The following GAREM1 variants were observed in gnomAD, a reference collection of about 807,000 sequenced individuals.
GAREM1 encodes GRB2-associated and regulator of MAPK protein 1.
In GAREM1, 26 loss-of-function variants were observed where a neutral mutation model predicts 71.3. The ratio of observed to expected loss-of-function variants is 0.36; its 90% CI spans 0.27 to 0.51. The LOEUF is 0.51. Among genes scored for constraint, GAREM1 ranks in the 20% least tolerant of loss-of-function variants. The pLI is 0.95. For missense variants in GAREM1, 1,026 were observed against 1,103.1 expected (o/e 0.93, Z 0.99); for synonymous variants, 440 against 433.2 (o/e 1.02, Z -0.20).
At chr18:32,430,848 C>T (rs1215980299) in intron 1 of GAREM1, among the ~76,000 whole-genome samples, 1 of 152,138 alleles carries the variant, frequency 6.6e-6, no homozygotes, top group Non-Finnish European at 1.5e-5. Context: ...TGCCACTTGG[C>T]CCTGTAAATG....
chr18:32,450,185 T>C (rs994539950), intron 1 of GAREM1, among the ~76,000 whole-genome samples: 1 of 152,204 alleles, frequency 6.6e-6, no homozygotes, highest in Non-Finnish European at 1.5e-5. Flanking sequence ...TCAGTATCAA[T>C]CAACTTATAA....
At chr18:32,380,014 A>C (rs1160303856) in intron 2 of GAREM1, among the ~76,000 whole-genome samples, 2 of 152,198 alleles carry the variant, frequency 1.3e-5, no homozygotes, top group Non-Finnish European at 2.9e-5. Flanking sequence ...TGGAAAATAA[A>C]CAAAGCTTTG....
intron 4 of GAREM1, among the ~76,000 whole-genome samples, chr18:32,283,650 A>G (rs2144453083): frequency 6.6e-6 from 1 of 152,358 alleles, no homozygotes; most frequent in African/African-American, 2.4e-5. Context: ...ACAAAGATAC[A>G]AGAGGACTAG....
At chr18:32,423,145 G>C (rs1206258404) in intron 1 of GAREM1, among the ~76,000 whole-genome samples, 1 of 152,228 alleles carries the variant, frequency 6.6e-6, no homozygotes, top group African/African-American at 2.4e-5. Flanking sequence ...TTAAGTCTAT[G>C]GGCAGAGTAA....
At chr18:32,442,670 G>A (rs535435807) in intron 1 of GAREM1, among the ~76,000 whole-genome samples, 2 of 152,270 alleles carry the variant, frequency 1.3e-5, no homozygotes, top group East Asian at 3.9e-4. Context: ...CATATGGGAT[G>A]TGGCAGTTCC....
At chr18:32,423,426 G>T (rs2048540374) in intron 1 of GAREM1, among the ~76,000 whole-genome samples, 1 of 152,176 alleles carries the variant, frequency 6.6e-6, no homozygotes, top group African/African-American at 2.4e-5. Context: ...TCATTATTCT[G>T]TTTATCCTTA....
intron 3 of GAREM1, among the ~76,000 whole-genome samples, chr18:32,289,429 G>A (rs558163055): frequency 6.6e-6 from 1 of 152,018 alleles, no homozygotes; most frequent in East Asian, 1.9e-4. Context: ...ATATTTATTG[G>A]TATATTCATT....
At chr18:32,330,888 CATT>C (rs1456238358) in intron 2 of GAREM1, among the ~76,000 whole-genome samples, 1 of 152,176 alleles carries the variant, frequency 6.6e-6, no homozygotes, top group East Asian at 1.9e-4. Flanking sequence ...CCAAGCACTG[CATT>C]TGATAAAAAA....
In GAREM1 at chr18:32,388,025, G is replaced by GA. The variant is rs529391874; in HGVS notation, c.262+4869dup. On this transcript the variant is annotated intron_variant, in intron 2 of 5. Coordinates refer to ENST00000269209, the MANE Select transcript of GAREM1 (RefSeq NM_001242409.2). ...TGGAATAGGAGAGTGTAGGAGCCTT[G>GA]ACCAAAGGAGAATACTGATTGAAAA... is the stretch of plus-strand genomic sequence containing the variant. 3.2e-3 allele frequency among the ~76,000 whole-genome samples: 481 copies of GA among 152,188 alleles called. 1 individual carries two copies. Among genetic ancestry groups the GA allele is most frequent in the Non-Finnish European group, 4.8e-3 (327 of 68,000 alleles).
At chr18:32,317,383 C>T (rs657479) in intron 2 of GAREM1, among the ~76,000 whole-genome samples, 2 of 141,464 alleles carry the variant, frequency 1.4e-5, no homozygotes, top group Admixed American at 7.2e-5. Context: ...CCAGTGAGAG[C>T]GCTCTGTCAC....
chr18:32,418,353 T>C (rs571253704), intron 1 of GAREM1, among the ~76,000 whole-genome samples: 50 of 152,290 alleles, frequency 3.3e-4, no homozygotes, highest in African/African-American at 1.1e-3. Context: ...TCCTGGTTGC[T>C]GTGTACTGTA....
At position 32,287,692 on chromosome 18, in the gene GAREM1, G is replaced by A. The variant is rs757495598; in HGVS notation, c.905C>T (p.Thr302Ile). 4 of 1,614,182 alleles carry A rather than the reference G, an allele frequency of 2.5e-6. No homozygotes were observed. The highest frequency in any genetic ancestry group is 3.4e-6 in the Non-Finnish European group (4 of 1,180,024). Residue 302 changes from threonine to isoleucine, a missense_variant, in exon 4 of 6, where the codon ACT becomes ATT. Around this residue, in one of 3 missense-constraint regions of GAREM1, gnomAD observed 218 missense variants for 296.8 expected, o/e 0.73. Transcript: ENST00000269209. This position sits in a 1 kb window ranked among gnomAD's most constrained non-coding sequence, Gnocchi z 5.9. Reference protein sequence around the residue: ...ILPMHFPLHLTVPKFSLPEHL... With the variant: ...ILPMHFPLHLIVPKFSLPEHL... ...TTCTGGGAGGCTGAACTTGGGGACA[G>A]TCAAGTGCAAAGGAAAGTGCATGGG...
chr18:32,299,704 G>A (rs904058994), intron 3 of GAREM1, among the ~76,000 whole-genome samples: 11 of 152,074 alleles, frequency 7.2e-5, no homozygotes, highest in African/African-American at 2.7e-4. Flanking sequence ...TGGAGCTTAT[G>A]TTGAAAGCCT....
chr18:32,343,525 T>G lies in GAREM1; in HGVS notation c.263-33202A>C, dbSNP rs1311366676. On this transcript the variant is annotated intron_variant, in intron 2 of 5. Transcript: ENST00000269209. The stretch of plus-strand genomic sequence containing the variant: ...CGTGTTGGCCAGACCGGTCTTGAAC[T>G]CCTAGCCTCGAGTGATCTGTCCACC... Among the ~76,000 whole-genome samples the G allele has an allele frequency of 3.9e-5, 6 of 152,012 alleles. No homozygotes were observed. The East Asian group carries it at 1.2e-3, about 29-fold the overall frequency.
chr18:32,306,812 A>C (rs375531417), intron 3 of GAREM1, among the ~76,000 whole-genome samples: 1 of 152,176 alleles, frequency 6.6e-6, no homozygotes, highest in African/African-American at 2.4e-5. Flanking sequence ...CATATTTACT[A>C]TTTACCCCCA....
At chr18:32,271,952 G>A (rs1412459179) in intron 4 of GAREM1, among the ~76,000 whole-genome samples, 1 of 152,150 alleles carries the variant, frequency 6.6e-6, no homozygotes, top group African/African-American at 2.4e-5. Context: ...AATATTAACA[G>A]AGCCAATTCT....
chr18:32,401,934 A>G (rs2048319583), intron 1 of GAREM1, among the ~76,000 whole-genome samples: 1 of 152,230 alleles, frequency 6.6e-6, no homozygotes, highest in African/African-American at 2.4e-5. Context: ...AATGATTTTT[A>G]AAGCCATAAA....
chr18:32,310,257 TC>T lies in GAREM1; in HGVS notation c.328del (p.Glu110ArgfsTer21). The stretch of plus-strand genomic sequence containing the variant: ...TTCAGGAAATGCCTTAGCCACCTCC[TC>T]CACACTGTTGAAATATTGCACTGGC... ...KEPVQYFNSV[E>X]EVAKAFPERV... On this transcript the variant is annotated frameshift_variant, in exon 3 of 6. Coordinates refer to ENST00000269209, the MANE Select transcript of GAREM1 (RefSeq NM_001242409.2). LOFTEE classifies it high-confidence loss of function. 1 of 1,614,116 alleles carries T rather than the reference TC, an allele frequency of 6.2e-7. No homozygotes were observed. Among genetic ancestry groups the T allele is most frequent in the Non-Finnish European group, 8.5e-7 (1 of 1,179,980 alleles).
intron 1 of GAREM1, among the ~76,000 whole-genome samples, chr18:32,465,745 A>G (rs921717943): frequency 2.0e-5 from 3 of 152,216 alleles, no homozygotes; most frequent in African/African-American, 7.2e-5. Context: ...ACTGTAAAGG[A>G]ATCAGTTTCT....
Sources: allele counts gnomAD v4.1 joint callset (sites outside exome capture counted in the v4.1 genomes callset), GRCh38; gene constraint gnomAD v4.1.1; regional missense constraint gnomAD v4.1.1; non-coding constraint Gnocchi (gnomAD v3.1); transcripts MANE v1.5; gene names NCBI Gene and HGNC (gene_info 2026-07-23, HGNC 2026-07-21).